UCK2: variants seen among roughly 807,000 people sequenced by gnomAD.
The protein encoded by UCK2 is uridine-cytidine kinase 2.
UCK2 carries 6 observed loss-of-function variants against 30.8 expected under a neutral mutation model. The ratio of observed to expected loss-of-function variants is 0.19; its 90% CI spans 0.11 to 0.38. The LOEUF is 0.38. Among genes scored for constraint, UCK2 ranks in the 10% least tolerant of loss-of-function variants. UCK2 has a pLI of 1.00. For missense variants in UCK2, 210 were observed against 339.8 expected, an observed-to-expected ratio of 0.62 and a Z score of 3.00; for synonymous variants, 125 against 133.6, an observed-to-expected ratio of 0.94 and a Z score of 0.45.
At chr1:165,830,819 A>C (rs113169009) in intron 1 of UCK2, among the ~76,000 whole-genome samples, 4,152 of 152,190 alleles carry the variant, frequency 0.027, 102 homozygotes, top group Middle Eastern at 0.061. Flanking sequence ...GGATTGCTTG[A>C]GCCCGGGAGT....
intron 1 of UCK2, among the ~76,000 whole-genome samples, chr1:165,882,726 A>G (rs1464570750): frequency 6.6e-6 from 1 of 151,704 alleles, no homozygotes; most frequent in Non-Finnish European, 1.5e-5. Flanking sequence ...GGCCCTCATC[A>G]CCTCCTATAG....
chr1:165,867,649 G>T (rs1655080035), intron 1 of UCK2, among the ~76,000 whole-genome samples: 2 of 152,072 alleles, frequency 1.3e-5, no homozygotes, highest in African/African-American at 2.4e-5. Context: ...CTCCTTATTT[G>T]TTCACATTTT....
At chr1:165,836,121 C>T (rs1469221487) in intron 1 of UCK2, among the ~76,000 whole-genome samples, 5 of 151,926 alleles carry the variant, frequency 3.3e-5, no homozygotes, top group South Asian at 2.1e-4. Flanking sequence ...CCAGCTACTC[C>T]GGAGGCTGAG....
At chr1:165,896,437 C>T (rs1281510852) in intron 4 of UCK2, 105 bp downstream of exon 4, 19 of 1,353,296 alleles carry the variant, frequency 1.4e-5, no homozygotes, top group South Asian at 7.7e-5. Flanking sequence ...AAGCCCATGC[C>T]TTCCCTGAGG....
intron 1 of UCK2, among the ~76,000 whole-genome samples, chr1:165,842,249 C>A (rs6426941): frequency 0.43 from 64,947 of 151,874 alleles, 13,897 homozygotes; most frequent in South Asian, 0.53. Flanking sequence ...TTCTTGATTC[C>A]CTGTTTTTTC....
chr1:165,836,370 A>G (rs1463311053), intron 1 of UCK2, among the ~76,000 whole-genome samples: 1 of 152,210 alleles, frequency 6.6e-6, no homozygotes, highest in Non-Finnish European at 1.5e-5. Flanking sequence ...CTAGAATAAG[A>G]TTTTTCATTT....
At chr1:165,862,255 C>A (rs1654931846) in intron 1 of UCK2, among the ~76,000 whole-genome samples, 1 of 152,162 alleles carries the variant, frequency 6.6e-6, no homozygotes, top group Admixed American at 6.5e-5. Flanking sequence ...CACTGCTGCC[C>A]TGGAGTGTCT....
intron 4 of UCK2, among the ~76,000 whole-genome samples, chr1:165,901,499 A>G (rs1332389216): frequency 6.6e-6 from 1 of 152,170 alleles, no homozygotes; most frequent in Non-Finnish European, 1.5e-5. Context: ...GGCTTTCAGA[A>G]GTTCCGTCAC....
In UCK2 at chr1:165,890,120, C is replaced by T. The variant is rs1023012845; in HGVS notation, c.100-84C>T. The T allele has an allele frequency of 4.1e-6, 6 of 1,473,870 alleles. No homozygotes were observed. In the African/African-American group the frequency reaches 8.3e-5, roughly 20 times the overall value. 91.3% of individuals were successfully genotyped at this position (1,473,870 alleles called of 1,614,324 possible). On this transcript the variant is annotated intron_variant, in intron 1 of 6. Coordinates refer to ENST00000367879, the MANE Select transcript of UCK2 (RefSeq NM_012474.5). Reference sequence around the variant, plus strand: ...CCAGAGCCCCTTCTTGGAAGGTGTGCATCAGCTTGGTTACTCTCGGGACTT... The same window carrying T: ...CCAGAGCCCCTTCTTGGAAGGTGTGTATCAGCTTGGTTACTCTCGGGACTT...
intron 1 of UCK2, among the ~76,000 whole-genome samples, chr1:165,887,698 G>T (rs1459728506): frequency 2.0e-5 from 3 of 152,010 alleles, no homozygotes; most frequent in African/African-American, 2.4e-5. Flanking sequence ...ATAGATGCCT[G>T]GGAGGAAAAG....
At chr1:165,890,181 G>A in intron 1 of UCK2, 23 bp from the exon 2 acceptor site, 1 of 1,612,892 alleles carries the variant, frequency 6.2e-7, no homozygotes, top group Non-Finnish European at 8.5e-7. Flanking sequence ...CTTATTCCTG[G>A]GTGCTCTCTT....
chr1:165,842,092 T>G (rs903217204), intron 1 of UCK2, among the ~76,000 whole-genome samples: 3 of 152,224 alleles, frequency 2.0e-5, no homozygotes, highest in African/African-American at 7.2e-5. Context: ...TTGACTTTTC[T>G]GTAACACTTG....
Position 165,903,215 on chromosome 1 carries a change from T to C in UCK2, c.533T>C (p.Leu178Pro). 6.2e-7 allele frequency: 1 copy of C among 1,614,176 alleles called. No individual in the cohort carries two copies. Among genetic ancestry groups the C allele is most frequent in the Non-Finnish European group, 8.5e-7 (1 of 1,180,002 alleles). ...GACATCAGCGAGAGAGGCAGGGATC[T>C]TGAGCAGATTTTATCTCAGTACATT... is the stretch of plus-strand genomic sequence containing the variant. ...LRDISERGRDLEQILSQYITF... is the reference protein window; with the variant it reads ...LRDISERGRDPEQILSQYITF... The change falls in exon 5 of 7, where the codon CTT becomes CCT. Residue 178 changes from leucine (L) to proline (P), a missense_variant. Transcript: ENST00000367879.
intron 1 of UCK2, among the ~76,000 whole-genome samples, chr1:165,867,455 A>AGGT (rs1655074364): frequency 6.6e-6 from 1 of 152,228 alleles, no homozygotes; most frequent in Non-Finnish European, 1.5e-5. Context: ...CAGCAATCAA[A>AGGT]AAATAAAAAA....
chr1:165,840,908 A>G lies in UCK2; in HGVS notation c.99+12976A>G, dbSNP rs1654312312. On this transcript the variant is annotated intron_variant, in intron 1 of 6. Coordinates refer to ENST00000367879, the MANE Select transcript of UCK2 (RefSeq NM_012474.5). ...AGCAAAATGTATAAATTCTAAAAGC[A>G]CGGTTCAATGAATTATCATATGGTG... 2.6e-5 allele frequency among the ~76,000 whole-genome samples: 4 copies of G among 152,158 alleles called. No individual in the cohort carries two copies. In the South Asian group the frequency reaches 8.3e-4, roughly 31 times the overall value.
intron 1 of UCK2, among the ~76,000 whole-genome samples, chr1:165,869,699 T>C (rs1232129323): frequency 2.2e-5 from 3 of 138,262 alleles, no homozygotes; most frequent in Admixed American, 1.5e-4. Flanking sequence ...ATGGGGGTCT[T>C]GCTCTGTCAC....
intron 1 of UCK2, among the ~76,000 whole-genome samples, chr1:165,848,648 ACACACACACACC>A (rs1337070178): frequency 2.0e-5 from 3 of 151,248 alleles, no homozygotes; most frequent in South Asian, 4.2e-4. Context: ...CAAAACACAC[ACACACACACACC>A]CACACACACA....
At chr1:165,868,323 G>A (rs1049397447) in intron 1 of UCK2, among the ~76,000 whole-genome samples, 1 of 152,188 alleles carries the variant, frequency 6.6e-6, no homozygotes, top group Non-Finnish European at 1.5e-5. Context: ...GTCACCAGTT[G>A]CATTAGCCTC....
chr1:165,857,418 A>G (rs1057011744), intron 1 of UCK2, among the ~76,000 whole-genome samples: 3 of 152,232 alleles, frequency 2.0e-5, no homozygotes, highest in Non-Finnish European at 4.4e-5. Context: ...ATAACCCATG[A>G]CAGTGCAGTT....
Sources: allele counts gnomAD v4.1 joint callset (sites outside exome capture counted in the v4.1 genomes callset), GRCh38; gene constraint gnomAD v4.1.1; transcripts MANE v1.5; gene names NCBI Gene and HGNC (gene_info 2026-07-23, HGNC 2026-07-21).